The following KLHL13 variants were observed in gnomAD, a reference collection of about 807,000 sequenced individuals.
KLHL13 encodes kelch-like protein 13.
KLHL13 carries 10 observed loss-of-function variants against 37.1 expected under a neutral mutation model. The ratio of observed to expected loss-of-function variants is 0.27; its 90% CI spans 0.17 to 0.46. The LOEUF is 0.46. Ranked by LOEUF, KLHL13 falls within the 20% of genes least tolerant of loss-of-function variation. KLHL13 has a pLI of 1.00. For synonymous variants in KLHL13, 163 were observed against 181.2 expected, an observed-to-expected ratio of 0.90 and a Z score of 0.81; for missense variants, 360 against 509.3, an observed-to-expected ratio of 0.71 and a Z score of 2.82.
chrX:118,031,803 T>G (rs2054352669), intron 1 of KLHL13, among the ~76,000 whole-genome samples: 2 of 107,055 alleles, frequency 1.9e-5, no homozygotes, highest in African/African-American at 6.8e-5. Context: ...AGAAGACAGG[T>G]GATTTCTGCA....
intron 1 of KLHL13, among the ~76,000 whole-genome samples, chrX:118,104,908 C>A (rs925142575): frequency 4.4e-5 from 5 of 112,461 alleles, no homozygotes; most frequent in Non-Finnish European, 9.4e-5. Context: ...TGAATTATAT[C>A]TTAATAAAGC....
chrX:117,982,244 G>GT (rs1033437990), intron 1 of KLHL13, among the ~76,000 whole-genome samples: 1 of 110,544 alleles, frequency 9.0e-6, no homozygotes, highest in Non-Finnish European at 1.9e-5. Context: ...TTTCTATACA[G>GT]TTTTTTAAAT....
upstream of KLHL13, among the ~76,000 whole-genome samples, chrX:117,974,997 C>T (rs1403924129): frequency 1.8e-5 from 2 of 111,394 alleles, no homozygotes; most frequent in African/African-American, 6.5e-5. Context: ...TTTATCAATG[C>T]GCTAGTGGCC....
intron 5 of KLHL13, among the ~76,000 whole-genome samples, chrX:117,906,750 C>T (rs1311658202): frequency 9.0e-6 from 1 of 111,184 alleles, no homozygotes; most frequent in Non-Finnish European, 1.9e-5. Flanking sequence ...TCATTTTCTA[C>T]AAAAGTTTAG....
intron 1 of KLHL13, among the ~76,000 whole-genome samples, chrX:117,960,148 T>C (rs1007376504): frequency 1.8e-5 from 2 of 110,905 alleles, no homozygotes; most frequent in East Asian, 2.8e-4. Flanking sequence ...GGGGCACAGG[T>C]TGGGGGCAGG....
At chrX:117,988,321 A>C (rs182957736) in intron 1 of KLHL13, among the ~76,000 whole-genome samples, 1 of 111,958 alleles carries the variant, frequency 8.9e-6, no homozygotes, top group Admixed American at 9.4e-5. Flanking sequence ...TAATTCAGTT[A>C]CATTCCATGT....
chrX:118,092,633 A>G (rs781559658), intron 1 of KLHL13, among the ~76,000 whole-genome samples: 1 of 111,943 alleles, frequency 8.9e-6, no homozygotes, highest in Non-Finnish European at 1.9e-5. Context: ...TAAGCAAAAT[A>G]TGTGTCAATA....
chrX:118,054,011 G>T (rs2054658817), intron 1 of KLHL13, among the ~76,000 whole-genome samples: 1 of 110,850 alleles, frequency 9.0e-6, no homozygotes, highest in African/African-American at 3.3e-5. Flanking sequence ...CAATGAAGGA[G>T]AAAGAAGAAA....
chrX:118,039,244 T>C (rs1239273122), intron 1 of KLHL13, among the ~76,000 whole-genome samples: 1 of 112,153 alleles, frequency 8.9e-6, no homozygotes, highest in Non-Finnish European at 1.9e-5. Context: ...GTTAGCTATG[T>C]GGAGAGACCA....
intron 1 of KLHL13, among the ~76,000 whole-genome samples, chrX:118,023,293 T>G (rs917272568): frequency 9.0e-6 from 1 of 111,641 alleles, no homozygotes; most frequent in Middle Eastern, 4.2e-3. Context: ...TTAAGTGTGA[T>G]GCTGAATTGT....
rs1359308127 is a variant in KLHL13, at chrX:118,053,528, A to G, written c.-56+62980T>C. On this transcript the variant is annotated intron_variant, in intron 1 of 6. Coordinates refer to the KLHL13 transcript ENST00000371882. ...GGTGGGAGGGATAGCATTAGGAGAT[A>G]TACCTAATGTTAAATGAAGAGTTAA... Among the ~76,000 whole-genome samples, 322 of 110,628 alleles carry G rather than the reference A, an allele frequency of 2.9e-3. 1 individual carries two copies. Among genetic ancestry groups the G allele is most frequent in the Non-Finnish European group, 5.4e-3 (283 of 52,873 alleles).
intron 1 of KLHL13, among the ~76,000 whole-genome samples, chrX:118,099,240 C>T (rs184240615): frequency 9.0e-6 from 1 of 111,480 alleles, no homozygotes; most frequent in East Asian, 2.8e-4. Flanking sequence ...TTTCATTTTA[C>T]ACCATCTGAA....
chrX:117,959,028 T>C (rs2053247913), intron 1 of KLHL13, among the ~76,000 whole-genome samples: 1 of 111,966 alleles, frequency 8.9e-6, no homozygotes, highest in Non-Finnish European at 1.9e-5. Flanking sequence ...TAATCTGCAA[T>C]TTTAATTATA....
At chrX:118,047,807 T>C (rs1248928033) in intron 1 of KLHL13, among the ~76,000 whole-genome samples, 1 of 111,664 alleles carries the variant, frequency 9.0e-6, no homozygotes, top group Non-Finnish European at 1.9e-5. Flanking sequence ...TTTTGCTCAA[T>C]TGATTTTGAA....
chrX:118,116,861 G>A (rs2055477422), upstream of KLHL13: 1 of 90,017 alleles, frequency 1.1e-5, no homozygotes, highest in Non-Finnish European at 2.2e-5. Flanking sequence ...GAGGGAGGGG[G>A]CAGTGGGGGG....
At chrX:118,039,269 A>G (rs1000360381) in intron 1 of KLHL13, among the ~76,000 whole-genome samples, 6 of 111,795 alleles carry the variant, frequency 5.4e-5, no homozygotes, top group African/African-American at 2.0e-4. Context: ...GGGGTAAAGG[A>G]CCAAGCAGGC....
intron 1 of KLHL13, chrX:117,985,494 GA>G: frequency 2.8e-6 from 1 of 359,360 alleles, no homozygotes; most frequent in Non-Finnish European, 3.6e-6. Context: ...CCCTTGATAG[GA>G]AATTGTAGTC....
chrX:118,109,273 G>A (rs145608389), intron 1 of KLHL13, among the ~76,000 whole-genome samples: 38 of 111,821 alleles, frequency 3.4e-4, no homozygotes, highest in Non-Finnish European at 5.1e-4. Flanking sequence ...TTGAAATTGC[G>A]CAACAGAGAA....
chrX:118,019,877 G>A (rs1341051702), intron 1 of KLHL13, among the ~76,000 whole-genome samples: 2 of 103,834 alleles, frequency 1.9e-5, no homozygotes, highest in African/African-American at 7.4e-5. Flanking sequence ...CCAGTACCAT[G>A]CTGTTTTGGT....
Sources: allele counts gnomAD v4.1 joint callset (sites outside exome capture counted in the v4.1 genomes callset), GRCh38; gene constraint gnomAD v4.1.1; transcripts MANE v1.5; gene names NCBI Gene and HGNC (gene_info 2026-07-23, HGNC 2026-07-21).